Variants in LDAH observed in about 807,000 individuals in gnomAD.
The protein encoded by LDAH is lipid droplet-associated hydrolase.
Under a neutral mutation model 29.6 loss-of-function variants are expected in LDAH, and 26 were observed. That is an observed-to-expected ratio of 0.88 (90% CI 0.64 to 1.22). The LOEUF is 1.22. LDAH is among the 50% of genes most tolerant of loss of function. LDAH has a pLI of 0.00. For missense variants in LDAH, 344 were observed against 387.3 expected (o/e 0.89, Z 0.94); for synonymous variants, 117 against 133.0 (o/e 0.88, Z 0.83).
intron 5 of LDAH, among the ~76,000 whole-genome samples, chr2:20,703,576 C>G (rs1431722866): frequency 6.6e-6 from 1 of 152,200 alleles, no homozygotes; most frequent in African/African-American, 2.4e-5. Context: ...GTATCTAGAA[C>G]CACACTTCCA....
rs11693547 is a variant in LDAH at position 20,684,193 on chromosome 2, C to T, written c.*2710G>A. 25,023 of 152,134 alleles carry T rather than the reference C, an allele frequency of 0.16. 2,275 individuals carry two copies. The highest frequency in any genetic ancestry group is 0.2 in the Non-Finnish European group (13,363 of 67,990). The allele number at this position is 152,134 out of a possible 1,614,324, so 9.4% of individuals were successfully genotyped here. A position where few individuals can be genotyped will look rare whatever the true frequency, so the allele number is the denominator to read the frequency against. On this transcript the variant is annotated 3_prime_UTR_variant, in exon 7 of 7. Coordinates refer to ENST00000237822, the MANE Select transcript of LDAH (RefSeq NM_021925.4). ...TCAGTGTCTCCAGTACAAACAAGGA[C>T]ACTCTCTTACTTCTTCCCAGTACAA... is the stretch of plus-strand genomic sequence containing the variant.
At chr2:20,704,648 C>G (rs958968044) in intron 5 of LDAH, among the ~76,000 whole-genome samples, 3 of 152,090 alleles carry the variant, frequency 2.0e-5, no homozygotes, top group African/African-American at 7.2e-5. Flanking sequence ...AATAATAACA[C>G]GTTATCTCTG....
At chr2:20,756,874 A>C (rs894706229) in intron 4 of LDAH, among the ~76,000 whole-genome samples, 2 of 152,186 alleles carry the variant, frequency 1.3e-5, no homozygotes, top group Admixed American at 1.3e-4. Flanking sequence ...CTGACAATAA[A>C]GTGAATATTC....
At chr2:20,783,925 C>A (rs1305131026) in intron 3 of LDAH, among the ~76,000 whole-genome samples, 1 of 152,110 alleles carries the variant, frequency 6.6e-6, no homozygotes, top group Non-Finnish European at 1.5e-5. Flanking sequence ...GTTGCCCAGG[C>A]TGGTCTCAAA....
rs147560128 is a variant in LDAH, at chr2:20,818,758, A to T, written c.-3+4279T>A. 1.6e-3 allele frequency among the ~76,000 whole-genome samples: 243 copies of T among 152,276 alleles called. 1 individual carries two copies. The highest frequency in any genetic ancestry group is 2.7e-3 in the Non-Finnish European group (181 of 67,992). ...TCTGATACCTATTCCAATATTTCCC[A>T]GTCACATATTACTTTGAAATATTAT... On this transcript the variant is annotated intron_variant, in intron 1 of 6. Coordinates refer to ENST00000237822, the MANE Select transcript of LDAH (RefSeq NM_021925.4).
At chr2:20,751,592 AT>A (rs1384405217) in intron 4 of LDAH, among the ~76,000 whole-genome samples, 4 of 152,208 alleles carry the variant, frequency 2.6e-5, no homozygotes, top group Non-Finnish European at 5.9e-5. Context: ...CTGCAAATGC[AT>A]TTATTCTATT....
At chr2:20,753,311 T>C (rs1451078220) in intron 4 of LDAH, among the ~76,000 whole-genome samples, 2 of 152,224 alleles carry the variant, frequency 1.3e-5, no homozygotes, top group Non-Finnish European at 1.5e-5. Flanking sequence ...AAATCCAAAC[T>C]TGTACTAGGT....
chr2:20,783,780 C>T lies in LDAH; in HGVS notation c.298+6475G>A, dbSNP rs138057691. 8.3e-3 allele frequency among the ~76,000 whole-genome samples: 1,271 copies of T among 152,280 alleles called. 20 individuals carry two copies. The highest frequency in any genetic ancestry group is 0.029 in the African/African-American group (1,198 of 41,556). The stretch of plus-strand genomic sequence containing the variant: ...AGACTAGAGTGCAGTGGCATGATCT[C>T]GGCTCACTGCAGCCTCAACCTCCCG... On this transcript the variant is annotated intron_variant, in intron 3 of 6. Transcript: ENST00000237822.
Position 20,752,167 on chromosome 2 carries a change from C to T in LDAH, c.469-11962G>A, listed in dbSNP as rs150302426. Among the ~76,000 whole-genome samples, 889 of 151,586 alleles carry T rather than the reference C, an allele frequency of 5.9e-3. 8 individuals are homozygous for T. The highest frequency in any genetic ancestry group is 0.025 in the Admixed American group (377 of 15,240). On this transcript the variant is annotated intron_variant, in intron 4 of 6. Transcript: ENST00000237822. ...TTGGCTTCCCAAAGTGCTAGGATTA[C>T]GGGGATGAGCCACTGTGCCTGGTCA...
At chr2:20,821,566 T>A (rs528731921) in intron 1 of LDAH, among the ~76,000 whole-genome samples, 1 of 151,500 alleles carries the variant, frequency 6.6e-6, no homozygotes. Flanking sequence ...AATTGAACAA[T>A]GAGAACACTT....
chr2:20,743,582 A>G (rs115356972), intron 4 of LDAH, among the ~76,000 whole-genome samples: 4,840 of 152,236 alleles, frequency 0.032, 258 homozygotes, highest in African/African-American at 0.11. Context: ...CACTGTTGCT[A>G]TTATTATTTT....
chr2:20,794,855 CAT>C (rs1246219811), intron 2 of LDAH, among the ~76,000 whole-genome samples: 1 of 152,116 alleles, frequency 6.6e-6, no homozygotes, highest in Non-Finnish European at 1.5e-5. Context: ...AAACTGAACG[CAT>C]AGCAAGTATC....
intron 4 of LDAH, among the ~76,000 whole-genome samples, chr2:20,749,282 A>G (rs192704473): frequency 1.3e-5 from 2 of 152,328 alleles, no homozygotes; most frequent in East Asian, 3.9e-4. Flanking sequence ...AGCAGCTCAG[A>G]AAGAAATTTT....
rs114557524 is a variant in LDAH, at chr2:20,819,101, C to G, written c.-3+3936G>C. 3.9e-3 allele frequency among the ~76,000 whole-genome samples: 590 copies of G among 152,188 alleles called. 2 individuals carry two copies. Among genetic ancestry groups the G allele is most frequent in the African/African-American group, 0.014 (570 of 41,536 alleles). On this transcript the variant is annotated intron_variant, in intron 1 of 6. Coordinates refer to ENST00000237822, the MANE Select transcript of LDAH (RefSeq NM_021925.4). Reference sequence around the variant, plus strand: ...TGCTGAGGACATATTAAAAACGAAACCACACACTACACTCAAGATGAACTT... The same window carrying G: ...TGCTGAGGACATATTAAAAACGAAAGCACACACTACACTCAAGATGAACTT...
At chr2:20,752,244 T>G (rs1668020950) in intron 4 of LDAH, among the ~76,000 whole-genome samples, 1 of 151,668 alleles carries the variant, frequency 6.6e-6, no homozygotes, top group African/African-American at 2.4e-5. Context: ...AAAATATCAG[T>G]GAAAAAGACT....
chr2:20,817,902 T>C lies in LDAH; in HGVS notation c.-3+5135A>G, dbSNP rs375232222. On this transcript the variant is annotated intron_variant, in intron 1 of 6. Coordinates refer to ENST00000237822, the MANE Select transcript of LDAH (RefSeq NM_021925.4). The stretch of plus-strand genomic sequence containing the variant: ...ATACGGTATGAGTCCATCTACACAA[T>C]ATCCTTGAAATGACAAAATTATAGA... Among the ~76,000 whole-genome samples the C allele has an allele frequency of 1.3e-4, 20 of 152,262 alleles. No individual in the cohort carries two copies. In the East Asian group the frequency reaches 3.7e-3, roughly 28 times the overall value.
chr2:20,736,694 C>T (rs971784168), intron 5 of LDAH, among the ~76,000 whole-genome samples: 6 of 152,064 alleles, frequency 3.9e-5, no homozygotes, highest in Non-Finnish European at 8.8e-5. Context: ...CCTCTCTGTA[C>T]CATGAAGGAT....
intron 6 of LDAH, among the ~76,000 whole-genome samples, chr2:20,700,851 C>T (rs1663876662): frequency 6.6e-6 from 1 of 151,962 alleles, no homozygotes; most frequent in Admixed American, 6.6e-5. Context: ...TTTTGAAATC[C>T]AATGTGTGTT....
At chr2:20,810,469 A>G (rs1672390906) in intron 1 of LDAH, among the ~76,000 whole-genome samples, 1 of 152,222 alleles carries the variant, frequency 6.6e-6, no homozygotes, top group Non-Finnish European at 1.5e-5. Context: ...TCTTTGTACA[A>G]TATGACTGTG....
Sources: allele counts gnomAD v4.1 joint callset (sites outside exome capture counted in the v4.1 genomes callset), GRCh38; gene constraint gnomAD v4.1.1; transcripts MANE v1.5; gene names NCBI Gene and HGNC (gene_info 2026-07-23, HGNC 2026-07-21).